ZNF654: variants seen among roughly 807,000 people sequenced by gnomAD.
ZNF654 encodes the protein melanoma-associated antigen.
Under a neutral mutation model 95.3 loss-of-function variants are expected in ZNF654, and 19 were observed. The observed-to-expected ratio is 0.20, with a 90% CI of 0.14 to 0.29. The LOEUF (loss-of-function observed/expected upper bound fraction) is 0.29. Ranked by LOEUF, ZNF654 falls within the 10% of genes least tolerant of loss-of-function variation. The pLI, the probability that ZNF654 is intolerant of heterozygous loss-of-function variation, is 1.00. For synonymous variants in ZNF654, 413 were observed against 457.9 expected (o/e 0.90, Z 1.25); for missense variants, 1,046 against 1,341.0 (o/e 0.78, Z 3.44).
At chr3:88,081,293 G>A (rs1475506787) in intron 1 of ZNF654, among the ~76,000 whole-genome samples, 1 of 152,122 alleles carries the variant, frequency 6.6e-6, no homozygotes, top group South Asian at 2.1e-4. Context: ...TTAAGTTTAT[G>A]TGGGGGTTTT....
At chr3:88,071,488 CA>C (rs1707506678) in intron 1 of ZNF654, among the ~76,000 whole-genome samples, 1 of 152,142 alleles carries the variant, frequency 6.6e-6, no homozygotes, top group Admixed American at 6.5e-5. Context: ...ACTAAAAATA[CA>C]AAAAAATTTG....
At position 88,144,046 on chromosome 3, in the gene ZNF654, T is replaced by G. The variant is rs1038537714; in HGVS notation, c.*2394T>G. On this transcript the variant is annotated 3_prime_UTR_variant, in exon 9 of 9. Coordinates refer to ENST00000636215, the MANE Select transcript of ZNF654 (RefSeq NM_001350134.2). ...TGTATTCATCCTACATGGACCAAGT[T>G]TCAAATCTTTGTTTTTAAATAAAAA... is the stretch of plus-strand genomic sequence containing the variant. 3.3e-5 allele frequency: 5 copies of G among 152,336 alleles called. No individual in the cohort carries two copies. Among genetic ancestry groups the G allele is most frequent in the African/African-American group, 1.2e-4 (5 of 41,420 alleles). 9.4% of individuals were successfully genotyped at this position (152,336 alleles called of 1,614,324 possible). A position where few individuals can be genotyped will look rare whatever the true frequency, so the allele number is the denominator to read the frequency against.
At chr3:88,120,820 T>G (rs1480564495) in intron 3 of ZNF654, among the ~76,000 whole-genome samples, 1 of 151,998 alleles carries the variant, frequency 6.6e-6, no homozygotes, top group African/African-American at 2.4e-5. Context: ...TTAGTGTGAT[T>G]ATAGCGTATT....
At chr3:88,114,342 A>G (rs1280763948) in intron 3 of ZNF654, among the ~76,000 whole-genome samples, 1 of 152,182 alleles carries the variant, frequency 6.6e-6, no homozygotes, top group Non-Finnish European at 1.5e-5. Context: ...AACCACTGAA[A>G]TGTTTGGAGT....
chr3:88,129,701 T>G lies in ZNF654; in HGVS notation c.768T>G (p.Thr256=), dbSNP rs1706333869. ...TCCTCTTACAGCATTTATTGAAAAC[T>G]GATTGTAAGAGTGGAATTGATATCA... ...DQLFREHLLK[T]DCKSGIDIIC... is the part of the protein sequence containing the mutation. Residue 256 remains threonine, a synonymous_variant, in exon 6 of 9, where the codon ACT becomes ACG. Transcript: ENST00000636215. 1.3e-6 allele frequency: 2 copies of G among 1,490,008 alleles called. No individual in the cohort carries two copies. The highest frequency in any genetic ancestry group is 2.5e-5 in the East Asian group (1 of 40,398). The allele number at this position is 1,490,008 out of a possible 1,614,324, so 92.3% of individuals were successfully genotyped here.
intron 3 of ZNF654, among the ~76,000 whole-genome samples, chr3:88,115,237 T>TGA (rs1161909046): frequency 6.6e-6 from 1 of 152,180 alleles, no homozygotes; most frequent in Non-Finnish European, 1.5e-5. Context: ...AACCACACTT[T>TGA]GAATACCAAG....
intron 2 of ZNF654, among the ~76,000 whole-genome samples, chr3:88,087,475 A>G (rs1391875376): frequency 1.3e-5 from 2 of 152,216 alleles, no homozygotes; most frequent in Non-Finnish European, 2.9e-5. Context: ...AGAACCCACT[A>G]AAATTATAGT....
intron 3 of ZNF654, among the ~76,000 whole-genome samples, chr3:88,123,861 G>A (rs1169368323): frequency 3.3e-5 from 5 of 152,064 alleles, no homozygotes; most frequent in South Asian, 4.2e-4. Context: ...TTGAATTTTC[G>A]GGGCAGTCAT....
At chr3:88,107,050 T>C (rs756252538) in intron 2 of ZNF654, among the ~76,000 whole-genome samples, 1 of 152,212 alleles carries the variant, frequency 6.6e-6, no homozygotes, top group South Asian at 2.1e-4. Flanking sequence ...ATTTCTCTTG[T>C]TTCATGTTTG....
chr3:88,105,618 C>T (rs1704688862), intron 2 of ZNF654, among the ~76,000 whole-genome samples: 2 of 152,076 alleles, frequency 1.3e-5, no homozygotes, highest in Non-Finnish European at 2.9e-5. Flanking sequence ...GAGCTTGTAC[C>T]ATTTTGTATA....
chr3:88,077,563 T>A (rs1284800843), intron 1 of ZNF654, among the ~76,000 whole-genome samples: 1 of 152,126 alleles, frequency 6.6e-6, no homozygotes, highest in Non-Finnish European at 1.5e-5. Flanking sequence ...TGTTCTTCAT[T>A]TAATTTATGA....
At chr3:88,077,695 C>G (rs1326897752) in intron 1 of ZNF654, among the ~76,000 whole-genome samples, 3 of 145,176 alleles carry the variant, frequency 2.1e-5, no homozygotes, top group Non-Finnish European at 3.1e-5. Context: ...GTAATACTTA[C>G]TATTTTTATG....
chr3:88,116,559 T>TACACACACACACAC (rs140401038), intron 3 of ZNF654, among the ~76,000 whole-genome samples: 4,457 of 146,604 alleles, frequency 0.03, 175 homozygotes, highest in African/African-American at 0.096. Flanking sequence ...CATACATATA[T>TACACACACACACAC]ATACACACAC....
chr3:88,110,281 TG>T lies in ZNF654; in HGVS notation c.333-2831del, dbSNP rs538704618. 4.6e-5 allele frequency among the ~76,000 whole-genome samples: 7 copies of T among 152,130 alleles called. No individual in the cohort carries two copies. The South Asian group carries it at 1.4e-3, about 31-fold the overall frequency. ...GATTCAAACCCAAACAGCTAGACCA[TG>T]GGTCTGTAAAGGACCAGATACTAAA... On this transcript the variant is annotated intron_variant, in intron 2 of 8. Transcript: ENST00000636215.
chr3:88,117,277 A>G (rs572405213), intron 3 of ZNF654, among the ~76,000 whole-genome samples: 2 of 152,332 alleles, frequency 1.3e-5, no homozygotes, highest in South Asian at 4.1e-4. Context: ...TTTTGGGGAT[A>G]AAGGAAAGTT....
At chr3:88,074,930 A>G (rs1020526717) in intron 1 of ZNF654, among the ~76,000 whole-genome samples, 1 of 152,112 alleles carries the variant, frequency 6.6e-6, no homozygotes, top group African/African-American at 2.4e-5. Flanking sequence ...ATATTTTACT[A>G]GGAAAACTCA....
intron 8 of ZNF654, 73 bp from the exon 9 acceptor site, chr3:88,141,572 A>C (rs894711609): frequency 8.5e-7 from 1 of 1,177,592 alleles, no homozygotes; most frequent in Non-Finnish European, 1.2e-6. Flanking sequence ...GTATAAATTA[A>C]ACAGGAATCT....
chr3:88,078,709 G>A (rs1211263290), intron 1 of ZNF654, among the ~76,000 whole-genome samples: 1 of 152,056 alleles, frequency 6.6e-6, no homozygotes, highest in Non-Finnish European at 1.5e-5. Flanking sequence ...ACTGGTAATG[G>A]ATATGAGAGA....
Position 88,132,336 on chromosome 3 carries a change from CT to C in ZNF654, c.893+2514del, listed in dbSNP as rs543494052. 1.9e-4 allele frequency among the ~76,000 whole-genome samples: 29 copies of C among 152,190 alleles called. No homozygotes were observed. The East Asian group carries it at 5.2e-3, about 27-fold the overall frequency. On this transcript the variant is annotated intron_variant, in intron 6 of 8. Transcript: ENST00000636215. The stretch of plus-strand genomic sequence containing the variant: ...TGGTAATATTAGTAGTTAATAGGGT[CT>C]TTTATTAGCTAGTTACCTGGGAAAT...
Sources: gnomAD v4.1 joint callset for allele counts (sites outside exome capture counted in the v4.1 genomes callset) on GRCh38, gnomAD v4.1.1 for gene constraint, MANE v1.5 for transcripts, NCBI Gene and HGNC (gene_info 2026-07-23, HGNC 2026-07-21) for gene names.